Variants in MOK observed in about 807,000 individuals in gnomAD.
The protein encoded by MOK is MOK protein kinase, also known as MAPK/MAK/MRK overlapping kinase.
Under a neutral mutation model 54.2 loss-of-function variants are expected in MOK, and 59 were observed. The ratio of observed to expected loss-of-function variants is 1.09; its 90% CI spans 0.88 to 1.35. MOK has a LOEUF of 1.35. Among genes scored for constraint, MOK ranks in the 40% most tolerant of loss-of-function variants. The pLI, the probability that MOK is intolerant of heterozygous loss-of-function variation, is 0.00. For missense variants in MOK, 517 were observed against 526.2 expected (o/e 0.98, Z 0.17); for synonymous variants, 210 against 202.7 (o/e 1.04, Z -0.31).
Position 102,271,224 on chromosome 14 carries a change from A to T in MOK, c.123-5312T>A, listed in dbSNP as rs1252948584. Among the ~76,000 whole-genome samples, 4 of 152,192 alleles carry T rather than the reference A, an allele frequency of 2.6e-5. No homozygotes were observed. The East Asian group carries it at 7.7e-4, about 29-fold the overall frequency. ...GAAATCATCCTTCAATAAAGCTTTT[A>T]AAAAATCATATGGAAATCCTTCCAA... On this transcript the variant is annotated intron_variant, in intron 2 of 11. Coordinates refer to ENST00000361847, the MANE Select transcript of MOK (RefSeq NM_014226.3).
the MOK span, among the ~76,000 whole-genome samples, chr14:102,219,092 C>T: frequency 6.6e-6 from 1 of 152,220 alleles, no homozygotes; most frequent in Admixed American, 6.5e-5. Context: ...GGATCCCCCA[C>T]GCTGTGCTCT....
At position 102,231,767 on chromosome 14, in the gene MOK, G is replaced by A. The variant is rs2064740490; in HGVS notation, c.921C>T (p.His307=). The A allele has an allele frequency of 2.5e-6, 4 of 1,612,564 alleles. No homozygotes were observed. The highest frequency in any genetic ancestry group is 2.7e-5 in the African/African-American group (2 of 74,982). Residue 307 remains histidine, a synonymous_variant, in exon 10 of 12, where the codon CAC becomes CAT. Coordinates refer to ENST00000361847, the MANE Select transcript of MOK (RefSeq NM_014226.3). The surrounding 1 kb of genome is among the most constrained non-coding windows in gnomAD (Gnocchi z 4.4). The part of the protein sequence containing the change: ...GSHRKAGFPE[H]PVAPEPLSNS... Reference sequence around the variant, plus strand: ...TACTGAGTGGTTCCGGTGCCACAGGGTGCTCCGGAAAGCCAGCTTTTCTGT... The same window carrying A: ...TACTGAGTGGTTCCGGTGCCACAGGATGCTCCGGAAAGCCAGCTTTTCTGT...
At position 102,238,711 on chromosome 14, in the gene MOK, C is replaced by T. The variant is rs1314190403; in HGVS notation, c.591-4922G>A. ...TAGACCTTCCCCAGGGCCAAACCGA[C>T]AAAATCCTGACATCTCTCCACCAAT... On this transcript the variant is annotated intron_variant, in intron 7 of 11. Coordinates refer to ENST00000361847, the MANE Select transcript of MOK (RefSeq NM_014226.3). This position sits in a 1 kb window ranked among gnomAD's most constrained non-coding sequence, Gnocchi z 4.8. 6.6e-6 allele frequency among the ~76,000 whole-genome samples: 1 copy of T among 152,146 alleles called. No homozygotes were observed. Among genetic ancestry groups the T allele is most frequent in the Non-Finnish European group, 1.5e-5 (1 of 68,034 alleles).
In MOK at chr14:102,283,589, T is replaced by C. The variant is rs761337400; in HGVS notation, c.11A>G (p.Tyr4Cys). Residue 4 changes from tyrosine to cysteine, a missense_variant, in exon 2 of 12, where the codon TAT becomes TGT. By Grantham distance (194) the Tyr-to-Cys change is radical. Transcript: ENST00000361847. ...CTCTCCTATTTTGCCAATTGCTTTA[T>C]AGTCTATAAATAAAAATGATTACAA... MKN[Y>C]KAIGKIGEGT... The C allele has an allele frequency of 3.1e-6, 5 of 1,593,534 alleles. No homozygotes were observed. The highest frequency in any genetic ancestry group is 1.1e-5 in the South Asian group (1 of 89,856).
chr14:102,233,687 C>CT lies in MOK; in HGVS notation c.692dup (p.Ser232ValfsTer7), dbSNP rs2064953289. 10 of 1,610,562 alleles carry CT rather than the reference C, an allele frequency of 6.2e-6. No homozygotes were observed. The highest frequency in any genetic ancestry group is 8.5e-6 in the Non-Finnish European group (10 of 1,176,736). On this transcript the variant is annotated frameshift_variant and splice_region_variant. Transcript: ENST00000361847. LOFTEE classifies it high-confidence loss of function. ...ATCCACTCTCAGAACACAATACTTA[C>CT]TGTTTGAACTTGGTGAGGATCTTCT...
chr14:102,261,090 T>C (rs750793896), intron 4 of MOK, among the ~76,000 whole-genome samples: 8 of 151,416 alleles, frequency 5.3e-5, no homozygotes, highest in Non-Finnish European at 1.2e-4. Context: ...ACCCTGTCAG[T>C]ACTAAAAATA....
intron 7 of MOK, among the ~76,000 whole-genome samples, chr14:102,246,580 C>T (rs909643769): frequency 1.3e-5 from 2 of 152,132 alleles, no homozygotes; most frequent in Non-Finnish European, 1.5e-5. Flanking sequence ...TACAATGCAA[C>T]CCCTGCTCAG....
At chr14:102,219,877 T>C (rs1329453762), downstream of MOK, among the ~76,000 whole-genome samples, 8 of 152,208 alleles carry the variant, frequency 5.3e-5, no homozygotes, top group Admixed American at 4.6e-4. Context: ...GGGCGGTTGA[T>C]TCAAGATCTC....
At chr14:102,293,536 T>C (rs1412206638) in intron 1 of MOK, among the ~76,000 whole-genome samples, 3 of 151,022 alleles carry the variant, frequency 2.0e-5, no homozygotes, top group Non-Finnish European at 4.4e-5. Flanking sequence ...CTGTCTCTAC[T>C]AAAAATACAA....
intron 1 of MOK, among the ~76,000 whole-genome samples, chr14:102,289,046 G>A (rs1597578633): frequency 6.6e-6 from 1 of 152,036 alleles, no homozygotes; most frequent in South Asian, 2.1e-4. Context: ...GGGACTACAG[G>A]CACCCGCCAC....
At position 102,232,394 on chromosome 14, in the gene MOK, C is replaced by G; in HGVS notation, c.866+141G>C. 1.0e-6 allele frequency: 1 copy of G among 996,742 alleles called. No individual in the cohort carries two copies. Among genetic ancestry groups the G allele is most frequent in the Non-Finnish European group, 1.4e-6 (1 of 693,386 alleles). 61.7% of individuals were successfully genotyped at this position (996,742 alleles called of 1,614,324 possible). ...CAGCACGGTGTGGGCCCCAAGAGGCCCTGACCACTCTTCAGGATAGAGAGC... is the reference window on the plus strand; with the variant it reads ...CAGCACGGTGTGGGCCCCAAGAGGCGCTGACCACTCTTCAGGATAGAGAGC... On this transcript the variant is annotated intron_variant, in intron 9 of 11. Coordinates refer to ENST00000361847, the MANE Select transcript of MOK (RefSeq NM_014226.3). This position sits in a 1 kb window ranked among gnomAD's most constrained non-coding sequence, Gnocchi z 5.1.
chr14:102,241,830 C>A (rs59918966), intron 7 of MOK, among the ~76,000 whole-genome samples: 31,127 of 152,250 alleles, frequency 0.2, 3,680 homozygotes, highest in African/African-American at 0.32. Context: ...CTCCAGGACA[C>A]AAGAACTTCC....
In MOK at chr14:102,245,719, T is replaced by C. The variant is rs1267059007; in HGVS notation, c.590+5093A>G. On this transcript the variant is annotated intron_variant, in intron 7 of 11. Transcript: ENST00000361847. The surrounding 1 kb of genome is among the most constrained non-coding windows in gnomAD (Gnocchi z 4.3). ...CACCCAGGTGAAATAAATAGCCTTGTTGCTCACACAAAGCCTGTTTGGTGG... is the reference window on the plus strand; with the variant it reads ...CACCCAGGTGAAATAAATAGCCTTGCTGCTCACACAAAGCCTGTTTGGTGG... Among the ~76,000 whole-genome samples, 5 of 152,180 alleles carry C rather than the reference T, an allele frequency of 3.3e-5. No homozygotes were observed. The highest frequency in any genetic ancestry group is 1.2e-4 in the African/African-American group (5 of 41,438).
At chr14:102,296,261 A>T (rs1706301451) in intron 1 of MOK, among the ~76,000 whole-genome samples, 1 of 151,840 alleles carries the variant, frequency 6.6e-6, no homozygotes, top group South Asian at 2.1e-4. Context: ...AAAAAAAAAA[A>T]AATAGCAAGA....
chr14:102,290,964 A>G (rs944213024), intron 1 of MOK, among the ~76,000 whole-genome samples: 3 of 152,178 alleles, frequency 2.0e-5, no homozygotes, highest in African/African-American at 7.2e-5. Context: ...GAAGATCTTC[A>G]AACTATGCTA....
chr14:102,299,561 G>A (rs985218380), intron 1 of MOK, among the ~76,000 whole-genome samples: 4 of 151,906 alleles, frequency 2.6e-5, no homozygotes, highest in Non-Finnish European at 5.9e-5. Context: ...AACTGTTACC[G>A]TCTTCAGAGT....
intron 6 of MOK, 90 bp downstream of exon 6, chr14:102,251,666 A>G: frequency 1.9e-6 from 2 of 1,030,886 alleles, no homozygotes; most frequent in East Asian, 5.0e-5. Flanking sequence ...ATGGACTGAA[A>G]GTTCCTCTGG....
intron 2 of MOK, among the ~76,000 whole-genome samples, chr14:102,273,988 C>T (rs1447211514): frequency 6.6e-6 from 1 of 151,838 alleles, no homozygotes; most frequent in East Asian, 1.9e-4. Context: ...GACAGAGTCT[C>T]ACTCTGTCGC....
chr14:102,252,541 C>G (rs2066615773), intron 4 of MOK, among the ~76,000 whole-genome samples: 1 of 151,364 alleles, frequency 6.6e-6, no homozygotes, highest in Admixed American at 6.6e-5. Flanking sequence ...TTTTATTTTT[C>G]TTTTTGGCAG....
Sources: gnomAD v4.1 joint callset for allele counts (sites outside exome capture counted in the v4.1 genomes callset) on GRCh38, gnomAD v4.1.1 for gene constraint, Gnocchi (gnomAD v3.1) non-coding constraint, MANE v1.5 for transcripts, NCBI Gene and HGNC (gene_info 2026-07-23, HGNC 2026-07-21) for gene names.